KCNIP4: variants seen among roughly 807,000 people sequenced by gnomAD.
KCNIP4 encodes the protein potassium voltage-gated channel interacting protein 4.
Under a neutral mutation model 34.0 loss-of-function variants are expected in KCNIP4, and 12 were observed. The ratio of observed to expected loss-of-function variants is 0.35; its 90% CI spans 0.23 to 0.57. KCNIP4 has a LOEUF of 0.57. KCNIP4 is among the 20% of genes least tolerant of loss of function. KCNIP4 has a pLI of 0.83. For synonymous variants in KCNIP4, 124 were observed against 102.2 expected, an observed-to-expected ratio of 1.21 and a Z score of -1.29; for missense variants, 238 against 311.7, an observed-to-expected ratio of 0.76 and a Z score of 1.78.
chr4:21,814,412 A>G (rs1288233189), intron 1 of KCNIP4, among the ~76,000 whole-genome samples: 2 of 152,116 alleles, frequency 1.3e-5, no homozygotes, highest in South Asian at 2.1e-4. Context: ...GTGACAGTGA[A>G]TAAGTCTCAT....
At chr4:20,767,497 C>G (rs1298749420) in intron 3 of KCNIP4, 3 of 152,154 alleles carry the variant, frequency 2.0e-5, no homozygotes, top group Non-Finnish European at 2.9e-5. Flanking sequence ...TAGGAAATTG[C>G]TAAGAAACAT....
intron 1 of KCNIP4, among the ~76,000 whole-genome samples, chr4:21,820,646 G>C (rs774401017): frequency 6.6e-6 from 1 of 152,074 alleles, no homozygotes; most frequent in Non-Finnish European, 1.5e-5. Flanking sequence ...TTTAGAACTG[G>C]AAGGGGCTTT....
At chr4:21,071,067 T>C (rs1744870197) in intron 1 of KCNIP4, among the ~76,000 whole-genome samples, 1 of 152,100 alleles carries the variant, frequency 6.6e-6, no homozygotes, top group South Asian at 2.1e-4. Flanking sequence ...GCTTGTCTTT[T>C]CATCTTCTCA....
At chr4:21,211,870 T>C (rs1757245644) in intron 1 of KCNIP4, among the ~76,000 whole-genome samples, 1 of 151,792 alleles carries the variant, frequency 6.6e-6, no homozygotes, top group East Asian at 1.9e-4. Context: ...CTAGATTTTC[T>C]CCAAATGCTG....
At chr4:21,612,649 T>C (rs1318437382) in intron 1 of KCNIP4, among the ~76,000 whole-genome samples, 1 of 152,240 alleles carries the variant, frequency 6.6e-6, no homozygotes, top group Non-Finnish European at 1.5e-5. Context: ...AAAAAGCTAG[T>C]ATTCTGTTTG....
intron 1 of KCNIP4, chr4:21,544,513 A>G (rs1577568882): frequency 6.6e-6 from 1 of 152,104 alleles, no homozygotes; most frequent in African/African-American, 2.4e-5. Context: ...ATCCACTTTC[A>G]TGCTCATTCT....
At chr4:21,074,141 G>A (rs1320945279) in intron 1 of KCNIP4, among the ~76,000 whole-genome samples, 3 of 152,154 alleles carry the variant, frequency 2.0e-5, no homozygotes, top group African/African-American at 7.2e-5. Context: ...TCAGGATGAT[G>A]CTGGCCTCAT....
intron 1 of KCNIP4, among the ~76,000 whole-genome samples, chr4:21,153,300 G>A (rs898039967): frequency 2.0e-5 from 3 of 152,004 alleles, no homozygotes; most frequent in Non-Finnish European, 4.4e-5. Flanking sequence ...CTTGCCAGCT[G>A]AGTGTATTTT....
chr4:21,405,063 C>T (rs1392619957), intron 1 of KCNIP4, among the ~76,000 whole-genome samples: 1 of 152,162 alleles, frequency 6.6e-6, no homozygotes, highest in South Asian at 2.1e-4. Context: ...CCCTCAATAT[C>T]TAATCTCATC....
rs534067682 is a variant in KCNIP4 at position 21,109,947 on chromosome 4, G to A, written c.62-227238C>T. Reference sequence around the variant, plus strand: ...ATATATAAGGTAAATAGATATTATTGTTCATACTCCTATATTATTATTTGA... The same window carrying A: ...ATATATAAGGTAAATAGATATTATTATTCATACTCCTATATTATTATTTGA... On this transcript the variant is annotated intron_variant, in intron 1 of 8. Coordinates refer to ENST00000382152, the MANE Select transcript of KCNIP4 (RefSeq NM_025221.6). Among the ~76,000 whole-genome samples, 97 of 152,042 alleles carry A rather than the reference G, an allele frequency of 6.4e-4. 2 individuals carry two copies. The South Asian group carries it at 0.019, about 30-fold the overall frequency.
At chr4:21,352,293 C>T (rs571583351) in intron 1 of KCNIP4, among the ~76,000 whole-genome samples, 2 of 152,258 alleles carry the variant, frequency 1.3e-5, no homozygotes, top group East Asian at 3.9e-4. Flanking sequence ...GGGTGTAGCC[C>T]ACGGAGGGCA....
At chr4:21,761,510 C>T (rs780123536) in intron 1 of KCNIP4, among the ~76,000 whole-genome samples, 9 of 151,846 alleles carry the variant, frequency 5.9e-5, no homozygotes, top group Admixed American at 1.3e-4. Context: ...TTACAATGAC[C>T]TCTCTCTCTT....
At chr4:21,202,352 C>A (rs771388968) in intron 1 of KCNIP4, among the ~76,000 whole-genome samples, 5 of 152,128 alleles carry the variant, frequency 3.3e-5, no homozygotes, top group African/African-American at 4.8e-5. Flanking sequence ...ATCACGTGTT[C>A]TCACCTATTA....
chr4:21,688,819 C>T (rs371422740), intron 1 of KCNIP4, among the ~76,000 whole-genome samples: 3 of 151,920 alleles, frequency 2.0e-5, no homozygotes, highest in African/African-American at 7.2e-5. Context: ...TCCTCTCTCT[C>T]CCCAGCTGCT....
chr4:20,770,651 A>G (rs1755788881), intron 3 of KCNIP4, among the ~76,000 whole-genome samples: 1 of 152,086 alleles, frequency 6.6e-6, no homozygotes, highest in Non-Finnish European at 1.5e-5. Flanking sequence ...AATAAAAAAT[A>G]AGGCAGGTGC....
rs937494049 is a variant in KCNIP4 at position 21,716,294 on chromosome 4, T to C, written c.61+232277A>G. 7.9e-5 allele frequency among the ~76,000 whole-genome samples: 12 copies of C among 152,230 alleles called. No individual in the cohort carries two copies. The East Asian group carries it at 2.1e-3, about 27-fold the overall frequency. On this transcript the variant is annotated intron_variant, in intron 1 of 8. Transcript: ENST00000382152. The stretch of plus-strand genomic sequence containing the variant: ...TTCTGTCTCCCAGGCTGGAGTGCAA[T>C]GGCGTGATCTCGGCTCACTGCACCC...
chr4:21,494,950 T>C (rs1732734231), intron 1 of KCNIP4, among the ~76,000 whole-genome samples: 1 of 152,066 alleles, frequency 6.6e-6, no homozygotes, highest in Non-Finnish European at 1.5e-5. Context: ...TCTGACATAA[T>C]ATACTTCCTG....
intron 1 of KCNIP4, among the ~76,000 whole-genome samples, chr4:21,610,752 C>T (rs946571901): frequency 2.0e-5 from 3 of 152,038 alleles, no homozygotes; most frequent in African/African-American, 7.2e-5. Flanking sequence ...TTAATTGACT[C>T]ACTTTTCTGC....
At chr4:21,281,729 A>C (rs1762787219) in intron 1 of KCNIP4, among the ~76,000 whole-genome samples, 1 of 152,202 alleles carries the variant, frequency 6.6e-6, no homozygotes, top group African/African-American at 2.4e-5. Context: ...CAATTATTTG[A>C]AAATTGATAA....
Sources: allele counts gnomAD v4.1 joint callset (sites outside exome capture counted in the v4.1 genomes callset), GRCh38; gene constraint gnomAD v4.1.1; transcripts MANE v1.5; gene names NCBI Gene and HGNC (gene_info 2026-07-23, HGNC 2026-07-21).